The following PHKA2 variants were observed in gnomAD, a reference collection of about 807,000 sequenced individuals.
PHKA2 encodes the protein phosphorylase kinase regulatory subunit alpha 2, also known as phosphorylase b kinase regulatory subunit alpha, liver isoform.
Under a neutral mutation model 102.0 loss-of-function variants are expected in PHKA2, and 31 were observed. The observed-to-expected ratio is 0.30, with a 90% confidence interval of 0.23 to 0.41. The LOEUF (loss-of-function observed/expected upper bound fraction) is 0.41. Ranked by LOEUF, PHKA2 falls within the 10% of genes least tolerant of loss-of-function variation. The pLI, the probability that PHKA2 is intolerant of heterozygous loss-of-function variation, is 1.00. For missense variants in PHKA2, 858 were observed against 1,023.1 expected (o/e 0.84, Z 2.20); for synonymous variants, 455 against 416.2 (o/e 1.09, Z -1.13).
intron 1 of PHKA2, among the ~76,000 whole-genome samples, chrX:18,977,224 GCTTT>G (rs756071732): frequency 4.4e-4 from 48 of 110,260 alleles, no homozygotes; most frequent in African/African-American, 1.5e-3. Context: ...GTTTGTTATT[GCTTT>G]CTAATTTTCT....
chrX:18,897,432 G>A lies in PHKA2; in HGVS notation c.3112-99C>T, dbSNP rs2047590407. The A allele has an allele frequency of 9.1e-6, 7 of 771,071 alleles. No homozygotes were observed. The Admixed American group carries it at 2.0e-4, about 22-fold the overall frequency. The allele number at this position is 771,071 out of a possible 1,213,427, so 63.5% of individuals were successfully genotyped here. On this transcript the variant is annotated intron_variant, in intron 29 of 32. Coordinates refer to ENST00000379942, the MANE Select transcript of PHKA2 (RefSeq NM_000292.3). ...GCGGCCCTGCGACCTAGGCACAAAT[G>A]CCAGAACACCACTCGCCAGAGAGGA...
chrX:18,968,335 T>C (rs1254137001), intron 1 of PHKA2, among the ~76,000 whole-genome samples: 1 of 112,898 alleles, frequency 8.9e-6, no homozygotes, highest in Non-Finnish European at 1.9e-5. Flanking sequence ...AGAAGATAGC[T>C]ATATTCTCAT....
At chrX:18,938,569 A>C in intron 10 of PHKA2, 58 bp downstream of exon 10, 3 of 1,096,644 alleles carry the variant, frequency 2.7e-6, no homozygotes, top group Non-Finnish European at 3.8e-6. Context: ...TTCTAATAAT[A>C]ATCAGTATAC....
intron 1 of PHKA2, among the ~76,000 whole-genome samples, chrX:18,962,592 A>G (rs1392999916): frequency 9.0e-6 from 1 of 111,526 alleles, no homozygotes; most frequent in Non-Finnish European, 1.9e-5. Context: ...CAGCTTGCCC[A>G]ACACTTAGGT....
intron 31 of PHKA2, 103 bp from the exon 32 acceptor site, chrX:18,894,507 G>C: frequency 1.4e-6 from 1 of 704,848 alleles, no homozygotes. Flanking sequence ...CCTGGGCTCG[G>C]GGCTCAGCGC....
chrX:18,894,029 T>G (rs2047482946), intron 32 of PHKA2, 175 bp downstream of exon 32: 3 of 501,732 alleles, frequency 6.0e-6, no homozygotes, highest in Middle Eastern at 5.5e-4. Context: ...TCCCCAAAGG[T>G]CTTGAGATTT....
chrX:18,895,328 A>G (rs777646308), intron 30 of PHKA2, 137 bp from the exon 31 acceptor site: 5 of 573,548 alleles, frequency 8.7e-6, no homozygotes, highest in Admixed American at 4.8e-5. Flanking sequence ...CCAGACTGTC[A>G]GAGTTATTTT....
chrX:18,925,838 G>A lies in PHKA2; in HGVS notation c.1460-61C>T, dbSNP rs749601818. On this transcript the variant is annotated intron_variant, in intron 14 of 32. Coordinates refer to ENST00000379942, the MANE Select transcript of PHKA2 (RefSeq NM_000292.3). Reference sequence around the variant, plus strand: ...GAAATACGGTTAACAAGTAATCCAGGCAACTCAGGCTAAGACTGAGCTTAT... The same window carrying A: ...GAAATACGGTTAACAAGTAATCCAGACAACTCAGGCTAAGACTGAGCTTAT... The A allele has an allele frequency of 1.2e-4, 89 of 771,274 alleles. No homozygotes were observed. In the South Asian group the frequency reaches 1.8e-3, roughly 16 times the overall value. 63.6% of individuals were successfully genotyped at this position (771,274 alleles called of 1,213,427 possible).
intron 26 of PHKA2, among the ~76,000 whole-genome samples, chrX:18,904,130 C>G (rs2047757681): frequency 9.0e-6 from 1 of 111,098 alleles, no homozygotes; most frequent in African/African-American, 3.3e-5. Context: ...AACTTGGGGA[C>G]AAGAACATTT....
intron 1 of PHKA2, among the ~76,000 whole-genome samples, chrX:18,971,487 G>C (rs780974821): frequency 3.1e-4 from 35 of 111,733 alleles, no homozygotes; most frequent in Non-Finnish European, 6.0e-4. Context: ...ATATTTTTTT[G>C]GTTATTCTGG....
chrX:18,927,498 C>T (rs968680385), intron 13 of PHKA2, among the ~76,000 whole-genome samples: 13 of 112,148 alleles, frequency 1.2e-4, no homozygotes, highest in South Asian at 3.7e-4. Flanking sequence ...CTCAGGGCAG[C>T]GCAGGATTGG....
intron 13 of PHKA2, 116 bp from the exon 14 acceptor site, chrX:18,926,703 T>C (rs2048216170): frequency 1.1e-5 from 8 of 706,961 alleles, no homozygotes; most frequent in Non-Finnish European, 1.8e-5. Context: ...TGCTCTTCCA[T>C]GCAATGACTG....
In PHKA2 at chrX:18,893,398, C is replaced by T; in HGVS notation, c.*87G>A. ...GATGGGACATGCTTTCCTGATAGCA[C>T]AGGGGATCTTGGGGGACAGAAGGTT... On this transcript the variant is annotated 3_prime_UTR_variant, in exon 33 of 33. Coordinates refer to ENST00000379942, the MANE Select transcript of PHKA2 (RefSeq NM_000292.3). 2.1e-6 allele frequency: 2 copies of T among 936,800 alleles called. No individual in the cohort carries two copies. The highest frequency in any genetic ancestry group is 1.5e-6 in the Non-Finnish European group (1 of 646,903). 77.2% of individuals were successfully genotyped at this position (936,800 alleles called of 1,213,427 possible).
intron 27 of PHKA2, among the ~76,000 whole-genome samples, chrX:18,901,027 T>TA (rs1488605727): frequency 1.8e-5 from 2 of 108,304 alleles, no homozygotes; most frequent in African/African-American, 6.8e-5. Context: ...TTTTTTTTTT[T>TA]ACCAGGAATT....
intron 13 of PHKA2, 59 bp from the exon 14 acceptor site, chrX:18,926,646 A>G: frequency 9.1e-7 from 1 of 1,101,686 alleles, no homozygotes; most frequent in Non-Finnish European, 1.3e-6. Flanking sequence ...TCACATGGAC[A>G]CGTGTTCCTT....
chrX:18,973,783 C>CA (rs750483456), intron 1 of PHKA2, among the ~76,000 whole-genome samples: 2 of 112,539 alleles, frequency 1.8e-5, no homozygotes, highest in South Asian at 7.3e-4. Flanking sequence ...AGGGTGCACC[C>CA]ATGCAGCTAA....
At chrX:18,977,428 G>A (rs988018154) in intron 1 of PHKA2, among the ~76,000 whole-genome samples, 3 of 111,274 alleles carry the variant, frequency 2.7e-5, no homozygotes, top group Admixed American at 1.9e-4. Context: ...TGTTTCTTAC[G>A]GTGCTCCAAT....
At chrX:18,958,563 G>T (rs1228138018) in intron 1 of PHKA2, among the ~76,000 whole-genome samples, 3 of 105,366 alleles carry the variant, frequency 2.8e-5, no homozygotes, top group African/African-American at 1.0e-4. Context: ...GATGTAAAGT[G>T]ATATCTCATC....
At chrX:18,975,853 T>C (rs1198372036) in intron 1 of PHKA2, among the ~76,000 whole-genome samples, 1 of 110,879 alleles carries the variant, frequency 9.0e-6, no homozygotes, top group Admixed American at 9.7e-5. Flanking sequence ...CAGTCAATAT[T>C]CCATGCAGCC....
Sources: allele counts gnomAD v4.1 joint callset (sites outside exome capture counted in the v4.1 genomes callset), GRCh38; gene constraint gnomAD v4.1.1; transcripts MANE v1.5; gene names NCBI Gene and HGNC (gene_info 2026-07-23, HGNC 2026-07-21).